CERS3: variants seen among roughly 807,000 people sequenced by gnomAD.
CERS3 encodes the protein ceramide synthase 3.
CERS3 carries 33 observed loss-of-function variants against 50.3 expected under a neutral mutation model. The observed-to-expected ratio is 0.66, with a 90% confidence interval of 0.50 to 0.88. The LOEUF is 0.88. Among genes scored for constraint, CERS3 ranks in the 40% least tolerant of loss-of-function variants. The probability of loss-of-function intolerance (pLI) is 0.00; values close to 1 mark genes in which losing one functional copy is unlikely to be tolerated. For synonymous variants in CERS3, 176 were observed against 155.2 expected (o/e 1.13, Z -0.99); for missense variants, 470 against 460.3 (o/e 1.02, Z -0.19).
chr15:100,477,862 T>C (rs574119483), intron 7 of CERS3, among the ~76,000 whole-genome samples: 9 of 152,348 alleles, frequency 5.9e-5, no homozygotes, highest in African/African-American at 1.9e-4. Flanking sequence ...GTTGTGAATA[T>C]ACTTGCCTTC....
intron 11 of CERS3, among the ~76,000 whole-genome samples, chr15:100,420,644 G>A (rs2032353048): frequency 6.6e-6 from 1 of 151,576 alleles, no homozygotes; most frequent in Non-Finnish European, 1.5e-5. Context: ...GAGAATTTTA[G>A]ACCAATATCC....
intron 1 of CERS3, among the ~76,000 whole-genome samples, chr15:100,542,786 T>A (rs2037232419): frequency 6.6e-6 from 1 of 150,814 alleles, no homozygotes; most frequent in Admixed American, 6.6e-5. Context: ...CAAATATATA[T>A]GTATATGTAT....
intron 11 of CERS3, among the ~76,000 whole-genome samples, chr15:100,422,988 A>G (rs2032555960): frequency 6.6e-6 from 1 of 151,324 alleles, no homozygotes; most frequent in African/African-American, 2.4e-5. Flanking sequence ...CTAATGCTAG[A>G]TGACGAGTTA....
intron 3 of CERS3, among the ~76,000 whole-genome samples, chr15:100,497,367 C>CAT (rs1428476696): frequency 1.3e-5 from 2 of 148,916 alleles, no homozygotes; most frequent in African/African-American, 2.5e-5. Context: ...GAGAAAAATA[C>CAT]ATATATATAT....
upstream of CERS3, among the ~76,000 whole-genome samples, chr15:100,529,886 C>T (rs1338570708): frequency 6.6e-6 from 1 of 152,050 alleles, no homozygotes; most frequent in Non-Finnish European, 1.5e-5. Flanking sequence ...AATAGATGAC[C>T]GCAAATTAAA....
intron 1 of CERS3, among the ~76,000 whole-genome samples, chr15:100,523,627 G>A (rs2036701745): frequency 6.6e-6 from 1 of 151,256 alleles, no homozygotes; most frequent in Non-Finnish European, 1.5e-5. Flanking sequence ...CAGGAACCTA[G>A]GAGGCGGAGC....
chr15:100,535,767 T>C (rs2037059045), intron 1 of CERS3, among the ~76,000 whole-genome samples: 2 of 136,022 alleles, frequency 1.5e-5, no homozygotes, highest in African/African-American at 2.8e-5. Flanking sequence ...ATCCCTATGT[T>C]CATATGTGCA....
intron 1 of CERS3, among the ~76,000 whole-genome samples, chr15:100,538,198 C>T (rs2037118395): frequency 1.3e-5 from 2 of 152,224 alleles, no homozygotes; most frequent in Admixed American, 1.3e-4. Context: ...GCTGTTTTCA[C>T]AGGCTGGCAT....
chr15:100,508,912 T>C (rs2036259289), intron 2 of CERS3, among the ~76,000 whole-genome samples: 1 of 152,210 alleles, frequency 6.6e-6, no homozygotes, highest in Admixed American at 6.5e-5. Context: ...GAAATTGTGA[T>C]TTTATTTACA....
At chr15:100,530,408 A>T (rs1210978980), upstream of CERS3, among the ~76,000 whole-genome samples, 1 of 152,090 alleles carries the variant, frequency 6.6e-6, no homozygotes, top group Non-Finnish European at 1.5e-5. Flanking sequence ...TAGATTCCAG[A>T]CACAACAGTG....
intron 11 of CERS3, among the ~76,000 whole-genome samples, chr15:100,444,135 A>C (rs996981587): frequency 6.6e-6 from 1 of 152,226 alleles, no homozygotes; most frequent in Non-Finnish European, 1.5e-5. Context: ...CAGGCTGGCC[A>C]TCATGTCTCC....
chr15:100,404,637 A>G (rs556313443), intron 11 of CERS3, among the ~76,000 whole-genome samples: 1 of 152,350 alleles, frequency 6.6e-6, no homozygotes, highest in Admixed American at 6.5e-5. Context: ...TAAAATTTAT[A>G]TGGAGAGGCA....
At chr15:100,481,507 C>G (rs1270932626) in intron 5 of CERS3, among the ~76,000 whole-genome samples, 1 of 152,250 alleles carries the variant, frequency 6.6e-6, no homozygotes, top group African/African-American at 2.4e-5. Context: ...GCCAGCCAAC[C>G]CACAAATGAA....
At chr15:100,480,489 G>A (rs2654571) in intron 5 of CERS3, among the ~76,000 whole-genome samples, 133,742 of 152,152 alleles carry the variant, frequency 0.88, 59,350 homozygotes, top group South Asian at 0.96. Flanking sequence ...TTTTTATGTG[G>A]CCAGACTTTA....
chr15:100,436,915 T>C (rs1390871086), intron 11 of CERS3, among the ~76,000 whole-genome samples: 1 of 151,286 alleles, frequency 6.6e-6, no homozygotes, highest in African/African-American at 2.4e-5. Flanking sequence ...GATGATCCTA[T>C]AGGAAGTAGC....
chr15:100,406,839 T>C (rs750461861), intron 11 of CERS3, among the ~76,000 whole-genome samples: 1 of 151,676 alleles, frequency 6.6e-6, no homozygotes, highest in Non-Finnish European at 1.5e-5. Context: ...GAAAAAAAGG[T>C]TTAATGAACT....
chr15:100,477,555 G>A (rs1001674673), intron 7 of CERS3, among the ~76,000 whole-genome samples: 1 of 152,174 alleles, frequency 6.6e-6, no homozygotes, highest in East Asian at 1.9e-4. Context: ...GAAGAAAAAT[G>A]CACTAGAGCG....
At chr15:100,480,154 G>T in intron 5 of CERS3, 108 bp from the exon 6 acceptor site, 1 of 814,364 alleles carries the variant, frequency 1.2e-6, no homozygotes, top group Non-Finnish European at 2.0e-6. Context: ...TCTGGAGTCA[G>T]ACAAATCAAA....
At chr15:100,442,958 T>C (rs201066548) in intron 11 of CERS3, among the ~76,000 whole-genome samples, 7,960 of 118,444 alleles carry the variant, frequency 0.067, 297 homozygotes, top group Admixed American at 0.16. Context: ...GGCTTCTAAA[T>C]CTCTTAAAAC....
Sources: gnomAD v4.1 joint callset for allele counts (sites outside exome capture counted in the v4.1 genomes callset) on GRCh38, gnomAD v4.1.1 for gene constraint, MANE v1.5 for transcripts, NCBI Gene and HGNC (gene_info 2026-07-23, HGNC 2026-07-21) for gene names.